C10orf67: variants seen among roughly 807,000 people sequenced by gnomAD.
The protein encoded by C10orf67 is uncharacterized protein C10orf67, mitochondrial.
In C10orf67, 60 loss-of-function variants were observed where a neutral mutation model predicts 35.6. That is an observed-to-expected ratio of 1.68 (90% CI 1.37 to 2.09). The LOEUF is 2.09. Among genes scored for constraint, C10orf67 ranks in the 30% most tolerant of loss-of-function variants. The pLI is 0.00. For missense variants in C10orf67, 474 were observed against 330.2 expected (o/e 1.44, Z -3.38); for synonymous variants, 167 against 115.8 (o/e 1.44, Z -2.84).
At chr10:23,276,631 A>G (rs57028408) in intron 8 of C10orf67, among the ~76,000 whole-genome samples, 4,582 of 152,118 alleles carry the variant, frequency 0.03, 221 homozygotes, top group African/African-American at 0.1. Context: ...TTTTTAATCA[A>G]TAAACTTTAT....
rs1419815576 is a variant in C10orf67, at chr10:23,203,475, C to A, written c.*698G>T. On this transcript the variant is annotated 3_prime_UTR_variant, in exon 16 of 16. Transcript: ENST00000636213. ...ATTCAGATACAGGCTCTTAACAAGG[C>A]CTTACTTGTAGTTAGGGGAATAGAA... 6.6e-6 allele frequency: 1 copy of A among 152,170 alleles called. No individual in the cohort carries two copies. The highest frequency in any genetic ancestry group is 1.5e-5 in the Non-Finnish European group (1 of 68,038). The allele number at this position is 152,170 out of a possible 1,614,324, so 9.4% of individuals were successfully genotyped here.
intron 2 of C10orf67, among the ~76,000 whole-genome samples, chr10:23,323,486 T>C (rs1390265386): frequency 6.6e-6 from 1 of 150,988 alleles, no homozygotes; most frequent in Non-Finnish European, 1.5e-5. Context: ...AAAAGAGAGA[T>C]CTAAAAAAAA....
At chr10:23,285,234 A>G (rs1456546625) in intron 7 of C10orf67, among the ~76,000 whole-genome samples, 1 of 152,036 alleles carries the variant, frequency 6.6e-6, no homozygotes, top group Non-Finnish European at 1.5e-5. Flanking sequence ...CTTTCTGCTC[A>G]GTACCAAAAT....
intron 1 of C10orf67, among the ~76,000 whole-genome samples, chr10:23,342,171 C>T (rs1369372921): frequency 2.0e-5 from 3 of 151,056 alleles, no homozygotes; most frequent in Non-Finnish European, 2.9e-5. Flanking sequence ...CTCTAAAAAA[C>T]AAAACAAAAC....
chr10:23,294,370 C>CACACACACACACACAGAA (rs1167759773), intron 5 of C10orf67, among the ~76,000 whole-genome samples: 1 of 150,916 alleles, frequency 6.6e-6, no homozygotes, highest in Non-Finnish European at 1.5e-5. Context: ...TGCACAGGCA[C>CACACACACACACACAGAA]ACACACACAC....
chr10:23,247,921 G>A (rs1165730667), intron 12 of C10orf67, among the ~76,000 whole-genome samples: 2 of 152,180 alleles, frequency 1.3e-5, no homozygotes, highest in African/African-American at 4.8e-5. Context: ...TTGAAGTAAG[G>A]AGCAGTGTAG....
intron 15 of C10orf67, among the ~76,000 whole-genome samples, chr10:23,211,277 A>C (rs1448159071): frequency 6.6e-6 from 1 of 152,052 alleles, no homozygotes; most frequent in Non-Finnish European, 1.5e-5. Context: ...CTGCCATCAC[A>C]TAGTGTCTCC....
intron 1 of C10orf67, 199 bp downstream of exon 1, chr10:23,344,370 G>A (rs753127301): frequency 1.7e-6 from 1 of 603,870 alleles, no homozygotes; most frequent in South Asian, 2.0e-5. Context: ...AGGAGGAGGC[G>A]GGGCGGGCTC....
chr10:23,284,533 T>TA (rs60985372), intron 7 of C10orf67, among the ~76,000 whole-genome samples: 4 of 148,168 alleles, frequency 2.7e-5, no homozygotes, highest in South Asian at 2.2e-4. Context: ...AAAAAAAAAT[T>TA]AAAAAAAAAA....
intron 1 of C10orf67, among the ~76,000 whole-genome samples, chr10:23,341,577 C>G (rs1225807983): frequency 6.6e-6 from 1 of 152,166 alleles, no homozygotes; most frequent in African/African-American, 2.4e-5. Flanking sequence ...CTTTTCCAAT[C>G]CCCTCATGGC....
intron 8 of C10orf67, among the ~76,000 whole-genome samples, chr10:23,273,862 C>T (rs570654259): frequency 5.3e-5 from 8 of 152,290 alleles, no homozygotes; most frequent in East Asian, 1.9e-4. Context: ...CTGAAGTCCA[C>T]GTAGTTGTTT....
At chr10:23,284,866 T>C (rs966962716) in intron 7 of C10orf67, among the ~76,000 whole-genome samples, 4 of 152,212 alleles carry the variant, frequency 2.6e-5, no homozygotes, top group Non-Finnish European at 5.9e-5. Flanking sequence ...AGTCCCTATC[T>C]CACTGCCCTG....
chr10:23,256,027 C>T (rs961912272), intron 10 of C10orf67, among the ~76,000 whole-genome samples: 1 of 152,032 alleles, frequency 6.6e-6, no homozygotes, highest in African/African-American at 2.4e-5. Flanking sequence ...TTCTTCAAGA[C>T]AGTTTGCTCC....
intron 4 of C10orf67, among the ~76,000 whole-genome samples, chr10:23,314,568 G>T (rs1844626513): frequency 6.6e-6 from 1 of 150,748 alleles, no homozygotes; most frequent in Admixed American, 6.6e-5. Flanking sequence ...AGGAATTCAG[G>T]TAGGTCCTCT....
At position 23,267,201 on chromosome 10, in the gene C10orf67, A is replaced by G. The variant is rs769576046; in HGVS notation, c.1029T>C (p.Ser343=). 1.4e-6 allele frequency: 1 copy of G among 714,734 alleles called. No individual in the cohort carries two copies. Among genetic ancestry groups the G allele is most frequent in the South Asian group, 1.5e-5 (1 of 67,150 alleles). 44.3% of individuals were successfully genotyped at this position (714,734 alleles called of 1,614,324 possible). ...KEMRKKYGSL[S]VKVARSAKGR... ...AAAAAACTTAAATACAAACCTTTACACTTAAGCTGCCATACTTTTTTCTCA... is the reference window on the plus strand; with the variant it reads ...AAAAAACTTAAATACAAACCTTTACGCTTAAGCTGCCATACTTTTTTCTCA... Residue 343 remains serine (S), a synonymous_variant, in exon 9 of 16, where the codon AGT becomes AGC. Coordinates refer to ENST00000636213, the MANE Select transcript of C10orf67 (RefSeq NM_001371909.1).
In C10orf67 at chr10:23,229,931, T is replaced by C. The variant is rs550406969; in HGVS notation, c.1435-6113A>G. On this transcript the variant is annotated intron_variant, in intron 13 of 15. Transcript: ENST00000636213. ...AACTGTAGATTTAACATAATTCTAA[T>C]TGAAATACCAATTAAATTTGTTTTG... 8.9e-4 allele frequency among the ~76,000 whole-genome samples: 135 copies of C among 152,254 alleles called. 2 individuals carry two copies. The highest frequency in any genetic ancestry group is 3.0e-3 in the African/African-American group (125 of 41,550).
At chr10:23,211,490 G>A (rs1249181101) in intron 15 of C10orf67, among the ~76,000 whole-genome samples, 1 of 133,962 alleles carries the variant, frequency 7.5e-6, no homozygotes, top group Non-Finnish European at 1.6e-5. Flanking sequence ...GGGGGGGGGG[G>A]TATCACAATT....
intron 5 of C10orf67, among the ~76,000 whole-genome samples, chr10:23,294,289 C>T (rs991832214): frequency 9.9e-5 from 15 of 152,166 alleles, no homozygotes; most frequent in Admixed American, 2.6e-4. Context: ...GGTTGCAGGG[C>T]TCATCAGTGT....
At chr10:23,275,645 G>A (rs1843165944) in intron 8 of C10orf67, among the ~76,000 whole-genome samples, 1 of 152,076 alleles carries the variant, frequency 6.6e-6, no homozygotes, top group Admixed American at 6.5e-5. Flanking sequence ...GCCCTGCACT[G>A]TGACTTCTGT....
Sources: allele counts gnomAD v4.1 joint callset (sites outside exome capture counted in the v4.1 genomes callset), GRCh38; gene constraint gnomAD v4.1.1; transcripts MANE v1.5; gene names NCBI Gene and HGNC (gene_info 2026-07-23, HGNC 2026-07-21).